Variants in WWOX observed in about 807,000 individuals in gnomAD.
The protein encoded by WWOX is WW domain-containing oxidoreductase.
In WWOX, 69 loss-of-function variants were observed where a neutral mutation model predicts 46.2. The observed-to-expected ratio is 1.49, with a 90% CI of 1.23 to 1.82. WWOX has a LOEUF of 1.82. WWOX is among the 40% of genes most tolerant of loss of function. The probability of loss-of-function intolerance (pLI) is 0.00; values close to 1 mark genes in which losing one functional copy is unlikely to be tolerated. For synonymous variants in WWOX, 359 were observed against 202.6 expected, an observed-to-expected ratio of 1.77 and a Z score of -6.56; for missense variants, 919 against 542.6, an observed-to-expected ratio of 1.69 and a Z score of -6.89.
At chr16:78,584,773 AT>A (rs2045152532) in intron 8 of WWOX, among the ~76,000 whole-genome samples, 1 of 152,154 alleles carries the variant, frequency 6.6e-6, no homozygotes, top group South Asian at 2.1e-4. Flanking sequence ...TATGCTGGAA[AT>A]TTTCCATTCA....
chr16:78,345,440 G>A (rs116752570), intron 5 of WWOX, among the ~76,000 whole-genome samples: 2,057 of 63,696 alleles, frequency 0.032, 449 homozygotes, highest in African/African-American at 0.069. Flanking sequence ...GAGCACCATG[G>A]CAAAACCCCA....
intron 8 of WWOX, among the ~76,000 whole-genome samples, chr16:78,792,638 T>A (rs982307203): frequency 6.6e-6 from 1 of 152,188 alleles, no homozygotes; most frequent in Non-Finnish European, 1.5e-5. Flanking sequence ...ATTATAATTA[T>A]TTTAGTAAGG....
chr16:78,281,202 C>G (rs945134536), intron 5 of WWOX, among the ~76,000 whole-genome samples: 1 of 152,190 alleles, frequency 6.6e-6, no homozygotes, highest in Admixed American at 6.5e-5. Context: ...TTAAAATGAC[C>G]AGATCTCCAG....
At chr16:78,485,883 G>A (rs2667577) in intron 8 of WWOX, among the ~76,000 whole-genome samples, 140,507 of 152,288 alleles carry the variant, frequency 0.92, 65,116 homozygotes, top group Admixed American at 0.97. Context: ...ATCACTTGGC[G>A]ACAAAGGCCT....
chr16:78,164,882 G>A (rs1567607840), intron 5 of WWOX, among the ~76,000 whole-genome samples: 2 of 152,210 alleles, frequency 1.3e-5, no homozygotes, highest in African/African-American at 4.8e-5. Flanking sequence ...AAGGTGGGGG[G>A]AATGATAGCG....
chr16:78,647,859 C>T (rs964351936), intron 8 of WWOX, among the ~76,000 whole-genome samples: 4 of 151,906 alleles, frequency 2.6e-5, no homozygotes, highest in Non-Finnish European at 1.5e-5. Context: ...GGGATCCCAG[C>T]TCTTTTTTTC....
chr16:78,598,439 T>C (rs1482379911), intron 8 of WWOX, among the ~76,000 whole-genome samples: 1 of 152,130 alleles, frequency 6.6e-6, no homozygotes, highest in Non-Finnish European at 1.5e-5. Context: ...TCTTCCTCTT[T>C]CCCCCCGCCC....
chr16:79,178,712 A>T (rs1191633795), intron 8 of WWOX, among the ~76,000 whole-genome samples: 3 of 152,208 alleles, frequency 2.0e-5, no homozygotes, highest in Non-Finnish European at 2.9e-5. Context: ...AAGGTATGGG[A>T]TGTGCCTACC....
chr16:78,996,334 A>T, intron 8 of WWOX: 1 of 984,086 alleles, frequency 1.0e-6, no homozygotes, highest in Non-Finnish European at 1.2e-6. Flanking sequence ...GACAGAAGAT[A>T]GAAAGGATGA....
intron 8 of WWOX, among the ~76,000 whole-genome samples, chr16:78,887,249 A>G (rs2044484134): frequency 6.6e-6 from 1 of 151,890 alleles, no homozygotes; most frequent in South Asian, 2.1e-4. Context: ...CATGACTGTA[A>G]AATGCTATTT....
chr16:78,271,827 T>C (rs72790054), intron 5 of WWOX, among the ~76,000 whole-genome samples: 36,051 of 152,070 alleles, frequency 0.24, 4,461 homozygotes, highest in East Asian at 0.4. Flanking sequence ...TGAGGTAGGG[T>C]AGGACATTTT....
At chr16:78,885,687 T>C (rs182291285) in intron 8 of WWOX, among the ~76,000 whole-genome samples, 1 of 152,144 alleles carries the variant, frequency 6.6e-6, no homozygotes, top group South Asian at 2.1e-4. Context: ...GCAGTTTCCA[T>C]AGGGATAACT....
chr16:78,424,752 C>T, intron 6 of WWOX, 118 bp from the exon 7 acceptor site: 9 of 1,136,282 alleles, frequency 7.9e-6, no homozygotes, highest in Non-Finnish European at 1.1e-5. Context: ...CCCGAAGGAG[C>T]ATGGATTATC....
intron 8 of WWOX, among the ~76,000 whole-genome samples, chr16:78,776,249 C>T (rs997032697): frequency 2.6e-5 from 4 of 152,108 alleles, no homozygotes; most frequent in East Asian, 1.9e-4. Context: ...AACAGCAGCA[C>T]AGGCTACATT....
At chr16:78,588,470 G>T (rs1247927745) in intron 8 of WWOX, among the ~76,000 whole-genome samples, 1 of 152,132 alleles carries the variant, frequency 6.6e-6, no homozygotes, top group East Asian at 1.9e-4. Context: ...TGCCCTGTTT[G>T]GGCTCTGAAA....
At chr16:78,902,989 G>C (rs1478206810) in intron 8 of WWOX, among the ~76,000 whole-genome samples, 1 of 152,204 alleles carries the variant, frequency 6.6e-6, no homozygotes, top group Non-Finnish European at 1.5e-5. Context: ...CCAGCGGAGG[G>C]TGTCCGGGTT....
intron 8 of WWOX, among the ~76,000 whole-genome samples, chr16:78,900,222 G>A (rs765439613): frequency 1.3e-5 from 2 of 151,918 alleles, no homozygotes; most frequent in African/African-American, 2.4e-5. Flanking sequence ...TGTTTATGAC[G>A]AGATTAAAGT....
chr16:78,886,762 C>T (rs369231530), intron 8 of WWOX, among the ~76,000 whole-genome samples: 3 of 151,914 alleles, frequency 2.0e-5, no homozygotes, highest in African/African-American at 7.2e-5. Flanking sequence ...AATTAAAGCA[C>T]AAGGAAAGGC....
At chr16:78,143,090 A>G (rs1056527486) in intron 4 of WWOX, among the ~76,000 whole-genome samples, 3 of 152,250 alleles carry the variant, frequency 2.0e-5, no homozygotes, top group Non-Finnish European at 4.4e-5. Context: ...TGAAAAGCCA[A>G]TGTAGCTATA....
Sources: allele counts gnomAD v4.1 joint callset (sites outside exome capture counted in the v4.1 genomes callset), GRCh38; gene constraint gnomAD v4.1.1; transcripts MANE v1.5; gene names NCBI Gene and HGNC (gene_info 2026-07-23, HGNC 2026-07-21).